CCNY: variants seen among roughly 807,000 people sequenced by gnomAD.
CCNY encodes cyclin Y.
CCNY carries 19 observed loss-of-function variants against 42.8 expected under a neutral mutation model. The observed-to-expected ratio is 0.44, with a 90% confidence interval of 0.31 to 0.65. CCNY has a LOEUF of 0.65. Among genes scored for constraint, CCNY ranks in the 30% least tolerant of loss-of-function variants. The pLI is 0.07. For synonymous variants in CCNY, 165 were observed against 162.7 expected (o/e 1.01, Z -0.11); for missense variants, 370 against 437.3 (o/e 0.85, Z 1.37).
intron 1 of CCNY, among the ~76,000 whole-genome samples, chr10:35,422,306 T>C (rs1034731092): frequency 2.6e-5 from 4 of 152,220 alleles, no homozygotes; most frequent in Non-Finnish European, 4.4e-5. Flanking sequence ...AGCTTTTTCA[T>C]ATGATATTCA....
chr10:35,454,721 C>T (rs753312539), intron 1 of CCNY, among the ~76,000 whole-genome samples: 7 of 152,178 alleles, frequency 4.6e-5, no homozygotes, highest in Admixed American at 6.5e-5. Context: ...AGCCTGGAGG[C>T]GGGTATGCTC....
chr10:35,360,143 G>T (rs1259001061), intron 1 of CCNY, among the ~76,000 whole-genome samples: 2 of 152,208 alleles, frequency 1.3e-5, no homozygotes, highest in Non-Finnish European at 2.9e-5. Flanking sequence ...GGAATTGCTG[G>T]AAGGACTGAA....
At chr10:35,302,780 T>A (rs1310078839) in intron 3 of CCNY, among the ~76,000 whole-genome samples, 2 of 152,186 alleles carry the variant, frequency 1.3e-5, no homozygotes, top group East Asian at 1.9e-4. Context: ...AGCAGAGAGA[T>A]CATGAACACA....
At chr10:35,414,603 G>C (rs970671948) in intron 1 of CCNY, among the ~76,000 whole-genome samples, 1 of 152,208 alleles carries the variant, frequency 6.6e-6, no homozygotes, top group South Asian at 2.1e-4. Flanking sequence ...ACCAGGAGGC[G>C]GGAATCATTG....
chr10:35,410,893 C>T (rs1045473995), intron 1 of CCNY, among the ~76,000 whole-genome samples: 3 of 152,148 alleles, frequency 2.0e-5, no homozygotes, highest in African/African-American at 7.2e-5. Context: ...AGAACTACTG[C>T]TAGTATACTT....
chr10:35,469,565 GAGATGGACAGACAGGGAGATGGAGAGAC>G (rs1432406950), intron 1 of CCNY, among the ~76,000 whole-genome samples: 2 of 138,582 alleles, frequency 1.4e-5, no homozygotes, highest in African/African-American at 6.7e-5. Context: ...GGGAGATGGA[GAGATGGACAGACAGGGAGATGGAGAGAC>G]AGACAGACAG....
intron 1 of CCNY, among the ~76,000 whole-genome samples, chr10:35,476,456 A>G (rs1194208834): frequency 6.6e-6 from 1 of 152,220 alleles, no homozygotes; most frequent in Non-Finnish European, 1.5e-5. Context: ...CAGTGCAATC[A>G]AACTAGAACT....
chr10:35,350,913 C>T (rs757430948), intron 1 of CCNY, among the ~76,000 whole-genome samples: 2 of 152,112 alleles, frequency 1.3e-5, no homozygotes, highest in African/African-American at 2.4e-5. Context: ...AACATTGTCT[C>T]TAAGTATATT....
In CCNY at chr10:35,253,414, ATTTTTTT is replaced by A. The variant is rs61405875; in HGVS notation, c.-9+2811_-9+2817del. 4.6e-3 allele frequency among the ~76,000 whole-genome samples: 413 copies of A among 88,980 alleles called. 4 individuals are homozygous for A. Among genetic ancestry groups the A allele is most frequent in the African/African-American group, 0.015 (314 of 21,164 alleles). The allele number at this position is 88,980 out of a possible 152,430, so 58.4% of individuals were successfully genotyped here. On this transcript the variant is annotated intron_variant, in intron 3 of 11. Transcript: ENST00000374706. The stretch of plus-strand genomic sequence containing the variant: ...ACAGGCATGCACCAGCATGCTCACT[ATTTTTTT>A]TTTTTTTTTTTTTTTTTTTTTTGTA...
At chr10:35,517,459 A>G (rs1025393265) in intron 4 of CCNY, among the ~76,000 whole-genome samples, 4 of 152,216 alleles carry the variant, frequency 2.6e-5, no homozygotes, top group African/African-American at 9.7e-5. Context: ...ATGTCAGCAT[A>G]TGAAATAAGT....
At chr10:35,372,331 C>T (rs1262376531) in intron 1 of CCNY, among the ~76,000 whole-genome samples, 1 of 152,166 alleles carries the variant, frequency 6.6e-6, no homozygotes, top group Non-Finnish European at 1.5e-5. Context: ...GCGCATGGGC[C>T]AGCCTGAATT....
intron 3 of CCNY, among the ~76,000 whole-genome samples, chr10:35,267,576 G>T (rs2095726897): frequency 6.6e-6 from 1 of 152,172 alleles, no homozygotes; most frequent in African/African-American, 2.4e-5. Flanking sequence ...TCTGAGTCTG[G>T]CAGGAAGCCA....
At chr10:35,487,640 C>G (rs1839814533) in intron 2 of CCNY, among the ~76,000 whole-genome samples, 1 of 151,878 alleles carries the variant, frequency 6.6e-6, no homozygotes, top group Non-Finnish European at 1.5e-5. Flanking sequence ...TTTTCTTGTT[C>G]CAAGCAGGAG....
intron 1 of CCNY, among the ~76,000 whole-genome samples, chr10:35,372,539 A>G (rs1453312683): frequency 6.6e-6 from 1 of 152,008 alleles, no homozygotes; most frequent in Non-Finnish European, 1.5e-5. Flanking sequence ...TCCACTTGTC[A>G]TTCTCTGAGC....
At chr10:35,401,647 T>C (rs1193421346) in intron 1 of CCNY, among the ~76,000 whole-genome samples, 2 of 152,070 alleles carry the variant, frequency 1.3e-5, no homozygotes, top group African/African-American at 2.4e-5. Flanking sequence ...ACAGGCTTTG[T>C]GTGAGCAACA....
At chr10:35,487,831 G>C (rs1445459251) in intron 2 of CCNY, among the ~76,000 whole-genome samples, 1 of 152,158 alleles carries the variant, frequency 6.6e-6, no homozygotes, top group Non-Finnish European at 1.5e-5. Flanking sequence ...TTCCTCATGG[G>C]GGTAGAGAAG....
intron 1 of CCNY, among the ~76,000 whole-genome samples, chr10:35,449,182 T>C (rs1009671820): frequency 2.6e-5 from 4 of 151,190 alleles, no homozygotes; most frequent in Non-Finnish European, 4.4e-5. Flanking sequence ...AGGGTATTCA[T>C]TACAGTCTTG....
chr10:35,313,393 T>A (rs1021020994), intron 3 of CCNY, among the ~76,000 whole-genome samples: 9 of 152,246 alleles, frequency 5.9e-5, no homozygotes, highest in Non-Finnish European at 1.3e-4. Context: ...GTGTCGCTTG[T>A]TAGCTGGTGA....
chr10:35,547,233 T>G lies in CCNY; in HGVS notation c.580-5786T>G, dbSNP rs558600992. On this transcript the variant is annotated intron_variant, in intron 7 of 9. Coordinates refer to ENST00000374704, the MANE Select transcript of CCNY (RefSeq NM_145012.6). ...GACAATTATGATCTAAAACATTAGC[T>G]TATTCTTTCTGTTCAAACTTAATAT... is the stretch of plus-strand genomic sequence containing the variant. Among the ~76,000 whole-genome samples the G allele has an allele frequency of 2.0e-5, 3 of 152,334 alleles. No homozygotes were observed. In the South Asian group the frequency reaches 6.2e-4, roughly 32 times the overall value.
Sources: gnomAD v4.1 joint callset for allele counts (sites outside exome capture counted in the v4.1 genomes callset) on GRCh38, gnomAD v4.1.1 for gene constraint, MANE v1.5 for transcripts, NCBI Gene and HGNC (gene_info 2026-07-23, HGNC 2026-07-21) for gene names.